The following CNTNAP5 variants were observed in gnomAD, a reference collection of about 807,000 sequenced individuals.
CNTNAP5 encodes contactin associated protein family member 5.
Under a neutral mutation model 150.2 loss-of-function variants are expected in CNTNAP5, and 72 were observed. That is an observed-to-expected ratio of 0.48 (90% CI 0.40 to 0.58). The LOEUF (loss-of-function observed/expected upper bound fraction) is 0.58, where lower values mean the gene tolerates loss of function less well. Among genes scored for constraint, CNTNAP5 ranks in the 20% least tolerant of loss-of-function variants. CNTNAP5 has a pLI of 0.00. For missense variants in CNTNAP5, 1,636 were observed against 1,626.2 expected (o/e 1.01, Z -0.10); for synonymous variants, 672 against 619.8 (o/e 1.08, Z -1.25).
chr2:124,604,007 C>G (rs1697046114), intron 11 of CNTNAP5, among the ~76,000 whole-genome samples: 1 of 152,162 alleles, frequency 6.6e-6, no homozygotes, highest in Non-Finnish European at 1.5e-5. Flanking sequence ...ATTCCACTTT[C>G]ATTCTGTACT....
chr2:124,751,504 C>A (rs1307502063), intron 14 of CNTNAP5, among the ~76,000 whole-genome samples: 1 of 152,348 alleles, frequency 6.6e-6, no homozygotes, highest in South Asian at 2.1e-4. Context: ...ATTTATCTAT[C>A]AAACTCTACT....
intron 14 of CNTNAP5, among the ~76,000 whole-genome samples, chr2:124,753,212 T>C (rs545171548): frequency 1.3e-5 from 2 of 152,316 alleles, no homozygotes; most frequent in African/African-American, 2.4e-5. Context: ...GAAAATATTT[T>C]ATTCTTTTCC....
intron 3 of CNTNAP5, among the ~76,000 whole-genome samples, chr2:124,260,525 A>G (rs959441626): frequency 3.3e-5 from 5 of 152,232 alleles, no homozygotes; most frequent in Admixed American, 2.6e-4. Context: ...ATGGGATCTA[A>G]TTAAACTAAA....
chr2:124,096,750 C>G (rs1682942953), intron 1 of CNTNAP5, among the ~76,000 whole-genome samples: 1 of 152,010 alleles, frequency 6.6e-6, no homozygotes, highest in African/African-American at 2.4e-5. Flanking sequence ...GTCACCCAGG[C>G]TAGAGTGCAG....
chr2:124,908,468 A>C (rs1309804320), intron 22 of CNTNAP5, among the ~76,000 whole-genome samples: 1 of 152,202 alleles, frequency 6.6e-6, no homozygotes, highest in African/African-American at 2.4e-5. Context: ...ATTTGAATAC[A>C]GTCATGTACC....
At chr2:124,471,676 T>C (rs1048236346) in intron 6 of CNTNAP5, among the ~76,000 whole-genome samples, 2 of 152,184 alleles carry the variant, frequency 1.3e-5, no homozygotes, top group Non-Finnish European at 2.9e-5. Flanking sequence ...TTTTTGCCCA[T>C]TCAGTATGCT....
chr2:124,771,703 TCACCATCACCTTCATCAC>T (rs1362437087), intron 16 of CNTNAP5, among the ~76,000 whole-genome samples: 4 of 144,490 alleles, frequency 2.8e-5, no homozygotes, highest in African/African-American at 1.0e-4. Flanking sequence ...ACTGGCGCCA[TCACCATCACCTTCATCAC>T]CACCATCACC....
intron 20 of CNTNAP5, among the ~76,000 whole-genome samples, chr2:124,866,762 A>G (rs150694979): frequency 8.5e-5 from 13 of 152,232 alleles, no homozygotes; most frequent in African/African-American, 3.1e-4. Context: ...CATGACCCTC[A>G]GCAAGCCCTT....
intron 22 of CNTNAP5, among the ~76,000 whole-genome samples, chr2:124,908,992 T>A (rs1005068557): frequency 1.1e-4 from 17 of 152,058 alleles, no homozygotes; most frequent in Admixed American, 2.0e-4. Flanking sequence ...AAATAAAAAG[T>A]TCACAAAGTA....
At chr2:124,387,506 G>A (rs913769726) in intron 3 of CNTNAP5, among the ~76,000 whole-genome samples, 1 of 152,160 alleles carries the variant, frequency 6.6e-6, no homozygotes, top group African/African-American at 2.4e-5. Flanking sequence ...ATAGGTTTTG[G>A]GTTAGGCGGT....
At chr2:124,565,865 C>A (rs1229108860) in intron 11 of CNTNAP5, among the ~76,000 whole-genome samples, 1 of 151,882 alleles carries the variant, frequency 6.6e-6, no homozygotes, top group East Asian at 1.9e-4. Context: ...TCCCAAAGCG[C>A]TGGGATTACA....
At chr2:124,822,174 T>C (rs919761813) in intron 19 of CNTNAP5, among the ~76,000 whole-genome samples, 1 of 152,196 alleles carries the variant, frequency 6.6e-6, no homozygotes, top group Non-Finnish European at 1.5e-5. Flanking sequence ...TCAGGACTTA[T>C]ATTCCTGCTC....
At chr2:124,222,476 A>G (rs1393526692) in intron 2 of CNTNAP5, among the ~76,000 whole-genome samples, 1 of 152,106 alleles carries the variant, frequency 6.6e-6, no homozygotes, top group Non-Finnish European at 1.5e-5. Context: ...ACTGCAAAAG[A>G]GATTTGAATT....
At chr2:124,603,833 A>G (rs1697038338) in intron 11 of CNTNAP5, among the ~76,000 whole-genome samples, 1 of 152,228 alleles carries the variant, frequency 6.6e-6, no homozygotes, top group Admixed American at 6.5e-5. Flanking sequence ...GCATACATAT[A>G]TAAATTGATT....
intron 3 of CNTNAP5, among the ~76,000 whole-genome samples, chr2:124,312,783 G>C (rs1688864508): frequency 6.6e-6 from 1 of 152,146 alleles, no homozygotes; most frequent in African/African-American, 2.4e-5. Flanking sequence ...TGTTAGCCAG[G>C]ATGGTCTCCA....
At chr2:124,592,205 A>AT (rs1488379794) in intron 11 of CNTNAP5, among the ~76,000 whole-genome samples, 1 of 151,930 alleles carries the variant, frequency 6.6e-6, no homozygotes, top group Non-Finnish European at 1.5e-5. Context: ...TTTTTCCCCC[A>AT]TTTTTTACCA....
At position 124,750,846 on chromosome 2, in the gene CNTNAP5, T is replaced by C. The variant is rs543790014; in HGVS notation, c.2234+3461T>C. Reference sequence around the variant, plus strand: ...TAAAAATACAAAAATTAGCTGGGCATGGTGGTGCGTGCCTGTAGTTTCAGC... The same window carrying C: ...TAAAAATACAAAAATTAGCTGGGCACGGTGGTGCGTGCCTGTAGTTTCAGC... On this transcript the variant is annotated intron_variant, in intron 14 of 23. Transcript: ENST00000682447. Among the ~76,000 whole-genome samples, 33 of 151,900 alleles carry C rather than the reference T, an allele frequency of 2.2e-4. 1 individual carries two copies. The highest frequency in any genetic ancestry group is 7.2e-4 in the African/African-American group (30 of 41,454).
chr2:124,594,613 G>A (rs1404148898), intron 11 of CNTNAP5, among the ~76,000 whole-genome samples: 8 of 133,792 alleles, frequency 6.0e-5, no homozygotes, highest in East Asian at 3.0e-4. Context: ...TTGACTTGGC[G>A]ATGCGGGCTC....
chr2:124,903,161 A>T (rs1678450675), intron 22 of CNTNAP5, 61 bp downstream of exon 22: 1 of 1,076,334 alleles, frequency 9.3e-7, no homozygotes. Context: ...TGTGTCTTCA[A>T]GAAGCTTCCA....
Sources: allele counts gnomAD v4.1 joint callset (sites outside exome capture counted in the v4.1 genomes callset), GRCh38; gene constraint gnomAD v4.1.1; transcripts MANE v1.5; gene names NCBI Gene and HGNC (gene_info 2026-07-23, HGNC 2026-07-21).